Variants in XKR7 observed in about 807,000 individuals in gnomAD.
The protein encoded by XKR7 is XK related 7.
A neutral mutation model predicts 42.2 loss-of-function variants in XKR7; 11 were observed. The ratio of observed to expected loss-of-function variants is 0.26; its 90% CI spans 0.16 to 0.43. The LOEUF is 0.43. XKR7 is among the 20% of genes least tolerant of loss of function. The pLI is 1.00. For missense variants in XKR7, 710 were observed against 802.2 expected, an observed-to-expected ratio of 0.89 and a Z score of 1.39; for synonymous variants, 346 against 366.4, an observed-to-expected ratio of 0.94 and a Z score of 0.64.
Position 31,999,200 on chromosome 20 carries a change from C to G in XKR7, c.*1743C>G, listed in dbSNP as rs2064612430. ...TGCTTAGCCCTCCCTGGTTCAGCCT[C>G]TCTTGGGTTACAGATGGGAAACTGA... On this transcript the variant is annotated 3_prime_UTR_variant, in exon 3 of 3. Transcript: ENST00000562532. The G allele has an allele frequency of 6.6e-6, 1 of 152,182 alleles. No homozygotes were observed. The highest frequency in any genetic ancestry group is 2.1e-4 in the South Asian group (1 of 4,828). The allele number at this position is 152,182 out of a possible 1,614,324, so 9.4% of individuals were successfully genotyped here. A position where few individuals can be genotyped will look rare whatever the true frequency, so the allele number is the denominator to read the frequency against.
In XKR7 at chr20:31,968,736, C is replaced by T. The variant is rs1480505592; in HGVS notation, c.561C>T (p.Leu187=). 8.4e-6 allele frequency: 13 copies of T among 1,542,170 alleles called. No individual in the cohort carries two copies. Among genetic ancestry groups the T allele is most frequent in the Non-Finnish European group, 1.0e-5 (12 of 1,152,100 alleles). ...GGCTGCTGCAGACCCTCGTCCACCTCCTGCAGCTCGGCCAGGTCTGGAGGT... is the reference window on the plus strand; with the variant it reads ...GGCTGCTGCAGACCCTCGTCCACCTTCTGCAGCTCGGCCAGGTCTGGAGGT... ...CIWLLQTLVH[L]LQLGQVWRYL... The change falls in exon 1 of 3, where the codon CTC becomes CTT. Residue 187 remains leucine, a synonymous_variant. Coordinates refer to ENST00000562532, the MANE Select transcript of XKR7 (RefSeq NM_001011718.2). This position sits in a 1 kb window ranked among gnomAD's most constrained non-coding sequence, Gnocchi z 4.5.
chr20:31,992,527 A>T (rs1000093065), intron 1 of XKR7, among the ~76,000 whole-genome samples: 2 of 152,224 alleles, frequency 1.3e-5, no homozygotes, highest in African/African-American at 2.4e-5. Context: ...GGGTATAGAT[A>T]CACCAGGCTG....
intron 1 of XKR7, among the ~76,000 whole-genome samples, chr20:31,976,901 C>T (rs947594575): frequency 1.3e-5 from 2 of 152,198 alleles, no homozygotes; most frequent in Non-Finnish European, 2.9e-5. Flanking sequence ...TTCTTTCTGT[C>T]TCCCATGGTG....
In XKR7 at chr20:31,970,501, T is replaced by C. The variant is rs2064460148; in HGVS notation, c.584+1742T>C. ...CTTGGATATGGATAAAAGGACTAGCTATTTCTACTATCTCCCATTTGCAAA... is the reference window on the plus strand; with the variant it reads ...CTTGGATATGGATAAAAGGACTAGCCATTTCTACTATCTCCCATTTGCAAA... On this transcript the variant is annotated intron_variant, in intron 1 of 2. Coordinates refer to ENST00000562532, the MANE Select transcript of XKR7 (RefSeq NM_001011718.2). 1.3e-5 allele frequency: 2 copies of C among 152,252 alleles called. 1 individual carries two copies. The highest frequency in any genetic ancestry group is 4.1e-4 in the South Asian group (2 of 4,836). The allele number at this position is 152,252 out of a possible 1,614,324, so 9.4% of individuals were successfully genotyped here. A position where few individuals can be genotyped will look rare whatever the true frequency, so the allele number is the denominator to read the frequency against.
intron 1 of XKR7, among the ~76,000 whole-genome samples, chr20:31,973,516 C>A (rs1238547782): frequency 6.6e-6 from 1 of 152,062 alleles, no homozygotes; most frequent in East Asian, 1.9e-4. Context: ...TGAAACAGGG[C>A]AGGGAGCTAC....
intron 1 of XKR7, among the ~76,000 whole-genome samples, chr20:31,990,226 T>A (rs528742153): frequency 4.0e-5 from 6 of 149,568 alleles, no homozygotes; most frequent in Admixed American, 4.0e-4. Flanking sequence ...AAACAGGGAC[T>A]CACTGTGTTG....
chr20:31,987,594 GACAC>G (rs1032171948), intron 1 of XKR7, among the ~76,000 whole-genome samples: 1 of 150,000 alleles, frequency 6.7e-6, no homozygotes, highest in South Asian at 2.1e-4. Context: ...TCAAGACACA[GACAC>G]ACAGACCTCC....
chr20:31,980,131 G>GAAAA (rs397968046), intron 1 of XKR7, among the ~76,000 whole-genome samples: 4 of 95,460 alleles, frequency 4.2e-5, no homozygotes, highest in African/African-American at 1.1e-4. Context: ...CTTTAGCCCA[G>GAAAA]AAAAAAAAAA....
At chr20:31,979,786 C>A (rs1284610316) in intron 1 of XKR7, among the ~76,000 whole-genome samples, 1 of 152,100 alleles carries the variant, frequency 6.6e-6, no homozygotes, top group African/African-American at 2.4e-5. Context: ...TTATGACATA[C>A]CAAATCCACA....
At chr20:31,993,537 G>T (rs531360470) in intron 1 of XKR7, among the ~76,000 whole-genome samples, 1 of 152,250 alleles carries the variant, frequency 6.6e-6, no homozygotes, top group East Asian at 1.9e-4. Context: ...CCCCTATAGG[G>T]TTACTAGAGT....
intron 1 of XKR7, among the ~76,000 whole-genome samples, chr20:31,986,470 A>G: frequency 7.2e-6 from 1 of 139,072 alleles, no homozygotes; most frequent in Non-Finnish European, 1.6e-5. Context: ...TCCAAGACAC[A>G]GACAGACAGA....
At position 31,995,400 on chromosome 20, in the gene XKR7, GAGGC is replaced by G; in HGVS notation, c.787+131_787+134del. ...AGGGCTCACTCAGTCAGGGTTTAGG[GAGGC>G]CTGCCCCTTCTACCCTCACCACCCT... On this transcript the variant is annotated intron_variant, in intron 2 of 2. Coordinates refer to ENST00000562532, the MANE Select transcript of XKR7 (RefSeq NM_001011718.2). The surrounding 1 kb of genome is among the most constrained non-coding windows in gnomAD (Gnocchi z 4.1). 1 of 1,452,690 alleles carries G rather than the reference GAGGC, an allele frequency of 6.9e-7. No homozygotes were observed. Among genetic ancestry groups the G allele is most frequent in the Non-Finnish European group, 9.1e-7 (1 of 1,095,564 alleles). 90.0% of individuals were successfully genotyped at this position (1,452,690 alleles called of 1,614,324 possible).
At chr20:31,986,843 G>C (rs1301284302) in intron 1 of XKR7, among the ~76,000 whole-genome samples, 2 of 146,694 alleles carry the variant, frequency 1.4e-5, no homozygotes, top group African/African-American at 2.5e-5. Flanking sequence ...GACACAGACA[G>C]ACAGACCACC....
At chr20:31,984,457 C>T (rs943039105) in intron 1 of XKR7, among the ~76,000 whole-genome samples, 1 of 152,138 alleles carries the variant, frequency 6.6e-6, no homozygotes, top group Non-Finnish European at 1.5e-5. Context: ...CAGGACATAG[C>T]TGTGGAACAT....
intron 1 of XKR7, among the ~76,000 whole-genome samples, chr20:31,978,209 G>C (rs553800961): frequency 6.6e-6 from 1 of 152,036 alleles, no homozygotes; most frequent in Non-Finnish European, 1.5e-5. Context: ...AGACTCAAGC[G>C]ATCCTCCTGC....
Position 31,997,267 on chromosome 20 carries a change from G to C in XKR7, c.1550G>C (p.Arg517Pro), listed in dbSNP as rs997398608. 6.2e-6 allele frequency: 10 copies of C among 1,612,270 alleles called. No individual in the cohort carries two copies. The highest frequency in any genetic ancestry group is 1.1e-5 in the South Asian group (1 of 91,072). ...CCCACACCAGTGGCCCGCACCTTGC[G>C]GACAGAGGGGCCTGTCATCCGGATT... Reference protein sequence around the residue: ...LPPTPVARTLRTEGPVIRIDL... With the variant: ...LPPTPVARTLPTEGPVIRIDL... The change falls in exon 3 of 3, where the codon CGG becomes CCG. Residue 517 changes from arginine to proline, a missense_variant. Arg to Pro is a moderately radical substitution (Grantham distance 103, BLOSUM62 -2). Around this residue, in one of 2 missense-constraint regions of XKR7, gnomAD observed 708 missense variants for 786.2 expected, o/e 0.90. Coordinates refer to ENST00000562532, the MANE Select transcript of XKR7 (RefSeq NM_001011718.2).
chr20:31,971,958 T>C (rs1470681016), intron 1 of XKR7, among the ~76,000 whole-genome samples: 1 of 152,156 alleles, frequency 6.6e-6, no homozygotes, highest in African/African-American at 2.4e-5. Flanking sequence ...TTCCGTGAAC[T>C]CTCCAAAATT....
chr20:31,985,421 G>A (rs2064533325), intron 1 of XKR7, among the ~76,000 whole-genome samples: 1 of 151,986 alleles, frequency 6.6e-6, no homozygotes, highest in South Asian at 2.1e-4. Flanking sequence ...CAGACAGAGA[G>A]AGACCCAGAG....
intron 1 of XKR7, among the ~76,000 whole-genome samples, chr20:31,989,830 C>T (rs1348681648): frequency 6.6e-6 from 1 of 152,206 alleles, no homozygotes; most frequent in African/African-American, 2.4e-5. Flanking sequence ...CCAGGCTGGT[C>T]TTGAACTCCT....
Sources: gnomAD v4.1 joint callset for allele counts (sites outside exome capture counted in the v4.1 genomes callset) on GRCh38, gnomAD v4.1.1 for gene constraint, gnomAD v4.1.1 regional missense constraint, Gnocchi (gnomAD v3.1) non-coding constraint, MANE v1.5 for transcripts, NCBI Gene and HGNC (gene_info 2026-07-23, HGNC 2026-07-21) for gene names.